The following NCOA7 variants were observed in gnomAD, a reference collection of about 807,000 sequenced individuals.
NCOA7 encodes nuclear receptor coactivator 7.
In NCOA7, 45 loss-of-function variants were observed where a neutral mutation model predicts 104.3. The observed-to-expected ratio is 0.43, with a 90% CI of 0.34 to 0.55. NCOA7 has a LOEUF of 0.55. Ranked by LOEUF, NCOA7 falls within the 20% of genes least tolerant of loss-of-function variation. The pLI is 0.02. For synonymous variants in NCOA7, 398 were observed against 402.3 expected, an observed-to-expected ratio of 0.99 and a Z score of 0.13; for missense variants, 1,041 against 1,119.7, an observed-to-expected ratio of 0.93 and a Z score of 1.00.
rs1225096866 is a variant in NCOA7, at chr6:125,929,057, A to G, written c.*286A>G. On this transcript the variant is annotated 3_prime_UTR_variant, in exon 16 of 16. Coordinates refer to ENST00000392477, the MANE Select transcript of NCOA7 (RefSeq NM_181782.5). ...GAATCAGAGTGTTTATAGATATATG[A>G]GTTGAATGCAATTTTTATTTTTGGT... is the stretch of plus-strand genomic sequence containing the variant. The G allele has an allele frequency of 4.1e-6, 1 of 246,184 alleles. No homozygotes were observed. The highest frequency in any genetic ancestry group is 7.7e-6 in the Non-Finnish European group (1 of 130,154). The allele number at this position is 246,184 out of a possible 1,614,324, so 15.2% of individuals were successfully genotyped here.
chr6:125,927,009 T>C (rs1788091063), intron 13 of NCOA7, among the ~76,000 whole-genome samples: 1 of 152,192 alleles, frequency 6.6e-6, no homozygotes, highest in East Asian at 1.9e-4. Flanking sequence ...ACAAGAACCA[T>C]TGATTTAAAC....
At chr6:125,866,278 G>A (rs917979869) in intron 3 of NCOA7, among the ~76,000 whole-genome samples, 2 of 151,766 alleles carry the variant, frequency 1.3e-5, no homozygotes, top group Non-Finnish European at 2.9e-5. Context: ...TTGATGAGCC[G>A]AGATCACGCC....
chr6:125,810,555 G>A (rs911508312), intron 1 of NCOA7, among the ~76,000 whole-genome samples: 4 of 152,190 alleles, frequency 2.6e-5, no homozygotes, highest in African/African-American at 9.7e-5. Context: ...TGTATTGAAT[G>A]AAGGAAAGTC....
Position 125,931,818 on chromosome 6 carries a change from T to G in NCOA7, c.*3047T>G, listed in dbSNP as rs1023074076. 6.6e-6 allele frequency: 1 copy of G among 152,164 alleles called. No homozygotes were observed. The highest frequency in any genetic ancestry group is 1.5e-5 in the Non-Finnish European group (1 of 68,018). 9.4% of individuals were successfully genotyped at this position (152,164 alleles called of 1,614,324 possible). ...GACCTAGTGGGATGTGATTAGAACATGGGGGCGGTTTCCCCCATGCTGTTC... is the reference window on the plus strand; with the variant it reads ...GACCTAGTGGGATGTGATTAGAACAGGGGGGCGGTTTCCCCCATGCTGTTC... On this transcript the variant is annotated 3_prime_UTR_variant, in exon 16 of 16. Transcript: ENST00000392477.
At chr6:125,845,996 T>G (rs1030303883) in intron 2 of NCOA7, among the ~76,000 whole-genome samples, 5 of 152,208 alleles carry the variant, frequency 3.3e-5, no homozygotes, top group Non-Finnish European at 7.3e-5. Flanking sequence ...AGTACTCTAT[T>G]TCCCTACAGA....
At chr6:125,860,585 T>G (rs557904534) in intron 3 of NCOA7, among the ~76,000 whole-genome samples, 24 of 152,324 alleles carry the variant, frequency 1.6e-4, no homozygotes, top group East Asian at 9.7e-4. Flanking sequence ...TGGCCTCAAG[T>G]GATCCACCCA....
At chr6:125,847,779 G>A (rs1156379775) in intron 2 of NCOA7, among the ~76,000 whole-genome samples, 3 of 152,148 alleles carry the variant, frequency 2.0e-5, no homozygotes, top group African/African-American at 4.8e-5. Flanking sequence ...AAAAGCAATG[G>A]CAACAAAAGC....
At position 125,840,868 on chromosome 6, in the gene NCOA7, G is replaced by GTTTTTTT. The variant is rs57168444; in HGVS notation, c.51-14116_51-14110dup. Among the ~76,000 whole-genome samples, 33 of 40,368 alleles carry GTTTTTTT rather than the reference G, an allele frequency of 8.2e-4. 4 individuals are homozygous for GTTTTTTT. Among genetic ancestry groups the GTTTTTTT allele is most frequent in the South Asian group, 1.3e-3 (1 of 798 alleles). 26.5% of individuals were successfully genotyped at this position (40,368 alleles called of 152,430 possible). ...TTTTATGGTTTTTTTTGTTTGGTTG[G>GTTTTTTT]TTTTTTTTTTTTTTTTTTTTTTTTT... On this transcript the variant is annotated intron_variant, in intron 2 of 15. Transcript: ENST00000392477.
rs114577984 is a variant in NCOA7, at chr6:125,906,610, G to T, written c.2097-8723G>T. Among the ~76,000 whole-genome samples, 1,207 of 152,310 alleles carry T rather than the reference G, an allele frequency of 7.9e-3. 11 individuals carry two copies. The highest frequency in any genetic ancestry group is 0.028 in the African/African-American group (1,165 of 41,562). On this transcript the variant is annotated intron_variant, in intron 10 of 15. Transcript: ENST00000392477. ...AGGCCTACCTCTAGGGGGCACTGGT[G>T]AGGGTGAGCCTGAAAGAGAGATCCT...
intron 4 of NCOA7, among the ~76,000 whole-genome samples, chr6:125,875,806 A>G (rs1338009028): frequency 6.6e-6 from 1 of 152,184 alleles, no homozygotes; most frequent in Non-Finnish European, 1.5e-5. Flanking sequence ...CTCTTTGTTC[A>G]CCATTATATT....
At chr6:125,813,073 G>A (rs999544700) in intron 1 of NCOA7, among the ~76,000 whole-genome samples, 3 of 152,110 alleles carry the variant, frequency 2.0e-5, no homozygotes, top group Non-Finnish European at 2.9e-5. Context: ...TACCTCTGCC[G>A]TCTGATTATG....
chr6:125,793,362 T>C (rs1775023180), intron 1 of NCOA7, among the ~76,000 whole-genome samples: 1 of 152,216 alleles, frequency 6.6e-6, no homozygotes. Flanking sequence ...TAAGCACTTA[T>C]TTGTTCATTT....
chr6:125,907,672 C>T (rs1402674800), intron 10 of NCOA7, among the ~76,000 whole-genome samples: 3 of 151,990 alleles, frequency 2.0e-5, no homozygotes, highest in Admixed American at 1.3e-4. Flanking sequence ...TTTAAAAAAG[C>T]GGGGGTTGGG....
chr6:125,922,539 AG>A, intron 12 of NCOA7, 142 bp from the exon 13 acceptor site: 1 of 956,972 alleles, frequency 1.0e-6, no homozygotes, highest in Non-Finnish European at 1.5e-6. Flanking sequence ...GGTTTAGAAT[AG>A]CAAATATTTG....
chr6:125,855,342 A>G (rs1781465074), intron 3 of NCOA7, 102 bp downstream of exon 3: 18 of 918,052 alleles, frequency 2.0e-5, no homozygotes, highest in Non-Finnish European at 3.0e-5. Context: ...GTAACAGTTT[A>G]TGGAGCAGCT....
rs780989332 is a variant in NCOA7 at position 125,931,520 on chromosome 6, G to A, written c.*2749G>A. 2.0e-5 allele frequency: 3 copies of A among 152,118 alleles called. No individual in the cohort carries two copies. Among genetic ancestry groups the A allele is most frequent in the Non-Finnish European group, 4.4e-5 (3 of 68,032 alleles). 9.4% of individuals were successfully genotyped at this position (152,118 alleles called of 1,614,324 possible). On this transcript the variant is annotated 3_prime_UTR_variant, in exon 16 of 16. Coordinates refer to ENST00000392477, the MANE Select transcript of NCOA7 (RefSeq NM_181782.5). ...ATGAAGACCCCAAGCAGTCTTCATT[G>A]CTTCATAATTCCTCAGTTCATAAGT... is the stretch of plus-strand genomic sequence containing the variant.
At chr6:125,797,568 G>A (rs370953355) in intron 1 of NCOA7, among the ~76,000 whole-genome samples, 2 of 152,134 alleles carry the variant, frequency 1.3e-5, no homozygotes, top group South Asian at 2.1e-4. Flanking sequence ...TTCTGGCCTC[G>A]CTACACAAAC....
At chr6:125,840,301 G>A (rs1780007369) in intron 2 of NCOA7, among the ~76,000 whole-genome samples, 1 of 151,990 alleles carries the variant, frequency 6.6e-6, no homozygotes, top group Non-Finnish European at 1.5e-5. Flanking sequence ...ATATCAAAAA[G>A]TTATTTAAAA....
intron 13 of NCOA7, among the ~76,000 whole-genome samples, chr6:125,923,889 G>T (rs900169830): frequency 2.4e-4 from 37 of 152,150 alleles, no homozygotes; most frequent in African/African-American, 8.9e-4. Flanking sequence ...GGGAACAAAT[G>T]GGGGTACCAA....
Sources: allele counts gnomAD v4.1 joint callset (sites outside exome capture counted in the v4.1 genomes callset), GRCh38; gene constraint gnomAD v4.1.1; transcripts MANE v1.5; gene names NCBI Gene and HGNC (gene_info 2026-07-23, HGNC 2026-07-21).